The following SLC25A26 variants were observed in gnomAD, a reference collection of about 807,000 sequenced individuals.
The protein encoded by SLC25A26 is mitochondrial S-adenosylmethionine carrier protein.
A neutral mutation model predicts 37.8 loss-of-function variants in SLC25A26; 36 were observed. The observed-to-expected ratio is 0.95, with a 90% confidence interval of 0.73 to 1.26. SLC25A26 has a LOEUF of 1.26. Ranked by LOEUF, SLC25A26 falls within the 50% of genes most tolerant of loss-of-function variation. SLC25A26 has a pLI of 0.00. For synonymous variants in SLC25A26, 129 were observed against 122.5 expected (o/e 1.05, Z -0.35); for missense variants, 390 against 331.1 (o/e 1.18, Z -1.38).
chr3:66,289,563 C>T (rs568834356), intron 5 of SLC25A26, among the ~76,000 whole-genome samples: 7 of 152,226 alleles, frequency 4.6e-5, no homozygotes, highest in African/African-American at 1.7e-4. Context: ...TTCCCAACAC[C>T]ATTTACTAAG....
At chr3:66,147,173 C>G (rs1419050962) in intron 1 of SLC25A26, among the ~76,000 whole-genome samples, 1 of 142,306 alleles carries the variant, frequency 7.0e-6, no homozygotes, top group African/African-American at 2.6e-5. Flanking sequence ...TTTCTCTTTT[C>G]TTTTTTTCAG....
intron 1 of SLC25A26, among the ~76,000 whole-genome samples, chr3:66,179,955 T>C (rs892070819): frequency 1.3e-5 from 2 of 152,206 alleles, no homozygotes; most frequent in Non-Finnish European, 2.9e-5. Flanking sequence ...TCACAAGTTC[T>C]GAAGTCTGAT....
chr3:66,261,909 TAA>T (rs377056969), intron 3 of SLC25A26, 140 bp from the exon 4 acceptor site: 7,778 of 514,182 alleles, frequency 0.015, no homozygotes, highest in East Asian at 0.021. Context: ...AGTTTTAGGT[TAA>T]AAAAAAAAAA....
In SLC25A26 at chr3:66,254,855, A is replaced by G. The variant is rs115030615; in HGVS notation, c.301-7196A>G. ...TCTTAAATCAGAATTTTTTTTGTGA[A>G]CTATGTTGAAATAGTTGCGAAGAAG... On this transcript the variant is annotated intron_variant, in intron 3 of 9. Transcript: ENST00000354883. Among the ~76,000 whole-genome samples the G allele has an allele frequency of 5.8e-3, 880 of 152,332 alleles. 12 individuals are homozygous for G. The highest frequency in any genetic ancestry group is 0.016 in the African/African-American group (675 of 41,580).
chr3:66,350,943 A>T (rs889853102), intron 6 of SLC25A26, among the ~76,000 whole-genome samples: 2 of 152,066 alleles, frequency 1.3e-5, no homozygotes, highest in African/African-American at 4.8e-5. Flanking sequence ...CCCTTACCAC[A>T]GATTTGTCTG....
intron 3 of SLC25A26, among the ~76,000 whole-genome samples, chr3:66,261,076 AG>A (rs1386669090): frequency 6.6e-6 from 1 of 152,186 alleles, no homozygotes; most frequent in East Asian, 1.9e-4. Flanking sequence ...CATTTCTTGC[AG>A]GCTGGTCTTG....
Position 66,370,601 on chromosome 3 carries a change from G to A in SLC25A26, c.706G>A (p.Gly236Arg). Reference sequence around the variant, plus strand: ...GGTCTGGCGGTCACAGGGGCTGGCAGGGTAAGACGAGGAATGCCCTCCTTC... The same window carrying A: ...GGTCTGGCGGTCACAGGGGCTGGCAAGGTAAGACGAGGAATGCCCTCCTTC... ...HGVWRSQGLAGLFAGVFPRMA... is the reference protein window; with the variant it reads ...HGVWRSQGLARLFAGVFPRMA... The change falls in exon 9 of 10, where the codon GGA becomes AGA. Residue 236 changes from glycine (G) to arginine (R), a missense_variant and splice_region_variant. Coordinates refer to ENST00000354883, the MANE Select transcript of SLC25A26 (RefSeq NM_001379210.1). 6.2e-7 allele frequency: 1 copy of A among 1,613,286 alleles called. No homozygotes were observed. The highest frequency in any genetic ancestry group is 8.5e-7 in the Non-Finnish European group (1 of 1,179,496).
At chr3:66,236,336 A>G (rs2072284014) in intron 1 of SLC25A26, among the ~76,000 whole-genome samples, 2 of 151,516 alleles carry the variant, frequency 1.3e-5, no homozygotes, top group African/African-American at 4.8e-5. Flanking sequence ...AAAATTTACA[A>G]CTTAAAAATA....
At chr3:66,210,853 A>G (rs1382122539) in intron 1 of SLC25A26, among the ~76,000 whole-genome samples, 2 of 152,180 alleles carry the variant, frequency 1.3e-5, no homozygotes, top group Non-Finnish European at 2.9e-5. Flanking sequence ...GTATCGCCAA[A>G]GGTTTGTCAG....
intron 5 of SLC25A26, among the ~76,000 whole-genome samples, chr3:66,320,764 A>G (rs976363677): frequency 6.6e-6 from 1 of 152,308 alleles, no homozygotes; most frequent in South Asian, 2.1e-4. Context: ...TCTTTAAATT[A>G]TAGTCATACT....
intron 5 of SLC25A26, among the ~76,000 whole-genome samples, chr3:66,302,873 C>A (rs770858235): frequency 6.6e-6 from 1 of 152,138 alleles, no homozygotes; most frequent in African/African-American, 2.4e-5. Context: ...ACAGGTGGTG[C>A]ACGCCATGTG....
At chr3:66,150,601 GAGATATATATATATATATATATAT>G (rs1417436657) in intron 1 of SLC25A26, among the ~76,000 whole-genome samples, 17 of 40,838 alleles carry the variant, frequency 4.2e-4, no homozygotes, top group East Asian at 1.5e-3. Context: ...TATATGTAAT[GAGATATATATATATATATATATAT>G]ATATATATAT....
intron 1 of SLC25A26, among the ~76,000 whole-genome samples, chr3:66,151,270 C>T (rs2070204409): frequency 1.3e-5 from 2 of 152,086 alleles, no homozygotes. Context: ...CCTACCACCT[C>T]CAATAACAAG....
At chr3:66,150,613 T>A (rs1237464066) in intron 1 of SLC25A26, among the ~76,000 whole-genome samples, 8 of 31,858 alleles carry the variant, frequency 2.5e-4, no homozygotes, top group Non-Finnish European at 3.5e-4. Context: ...GATATATATA[T>A]ATATATATAT....
rs1168518507 is a variant in SLC25A26 at position 66,275,646 on chromosome 3, C to G, written c.453+12267C>G. 4.6e-5 allele frequency among the ~76,000 whole-genome samples: 7 copies of G among 152,172 alleles called. No homozygotes were observed. In the East Asian group the frequency reaches 7.7e-4, roughly 17 times the overall value. On this transcript the variant is annotated intron_variant, in intron 5 of 9. Coordinates refer to ENST00000354883, the MANE Select transcript of SLC25A26 (RefSeq NM_001379210.1). ...TACATTTAGCAAGAATTATGGAGTT[C>G]TCACTAAATTCCTAGGCAAGCTAAT...
chr3:66,174,572 A>G (rs2070547552), intron 1 of SLC25A26, among the ~76,000 whole-genome samples: 1 of 152,174 alleles, frequency 6.6e-6, no homozygotes, highest in Non-Finnish European at 1.5e-5. Flanking sequence ...CGAGGTCAGG[A>G]AATCGAGACC....
In SLC25A26 at chr3:66,342,590, T is replaced by C. The variant is rs148825179; in HGVS notation, c.454-3774T>C. 1.1e-3 allele frequency among the ~76,000 whole-genome samples: 170 copies of C among 152,336 alleles called. 2 individuals are homozygous for C. The East Asian group carries it at 0.027, about 24-fold the overall frequency. ...TACAGGGATAGAAGCATTGATTGGCTTCAAAGATAATTCTAGTCCTACACT... is the reference window on the plus strand; with the variant it reads ...TACAGGGATAGAAGCATTGATTGGCCTCAAAGATAATTCTAGTCCTACACT... On this transcript the variant is annotated intron_variant, in intron 5 of 9. Coordinates refer to ENST00000354883, the MANE Select transcript of SLC25A26 (RefSeq NM_001379210.1).
At chr3:66,220,825 C>G (rs1050777485), upstream of SLC25A26, 15 of 545,394 alleles carry the variant, frequency 2.8e-5, no homozygotes, top group East Asian at 5.1e-4. Context: ...GTTCCTCCGT[C>G]TAGCTGCACA....
intron 7 of SLC25A26, among the ~76,000 whole-genome samples, chr3:66,365,544 G>A (rs2076805600): frequency 6.6e-6 from 1 of 152,066 alleles, no homozygotes; most frequent in African/African-American, 2.4e-5. Flanking sequence ...GTGGTATTTG[G>A]TACTCTAGTA....
Sources: allele counts gnomAD v4.1 joint callset (sites outside exome capture counted in the v4.1 genomes callset), GRCh38; gene constraint gnomAD v4.1.1; transcripts MANE v1.5; gene names NCBI Gene and HGNC (gene_info 2026-07-23, HGNC 2026-07-21).